The following SMG6 variants were observed in gnomAD, a reference collection of about 807,000 sequenced individuals.
The protein encoded by SMG6 is telomerase-binding protein EST1A.
SMG6 carries 66 observed loss-of-function variants against 142.2 expected under a neutral mutation model. The ratio of observed to expected loss-of-function variants is 0.46; its 90% CI spans 0.38 to 0.57. SMG6 has a LOEUF of 0.57. Ranked by LOEUF, SMG6 falls within the 20% of genes least tolerant of loss-of-function variation. SMG6 has a pLI of 0.00. For synonymous variants in SMG6, 779 were observed against 702.4 expected, an observed-to-expected ratio of 1.11 and a Z score of -1.72; for missense variants, 1,793 against 1,832.0, an observed-to-expected ratio of 0.98 and a Z score of 0.39.
At chr17:2,087,777 C>G (rs897450171) in intron 13 of SMG6, 14 of 985,776 alleles carry the variant, frequency 1.4e-5, no homozygotes, top group Admixed American at 1.2e-4. Flanking sequence ...TGGCAGGCAG[C>G]ACGCACAGTG....
In SMG6 at chr17:2,136,354, G is replaced by A. The variant is rs117026038; in HGVS notation, c.3357+36304C>T. 7.9e-3 allele frequency among the ~76,000 whole-genome samples: 1,197 copies of A among 152,260 alleles called. 10 individuals carry two copies. Among genetic ancestry groups the A allele is most frequent in the Non-Finnish European group, 0.012 (820 of 68,024 alleles). On this transcript the variant is annotated intron_variant, in intron 13 of 18. Transcript: ENST00000263073. ...CACTGCGCCTGGCCAATTAATTTAAGTAGACAAATGTGGCTAGTGACTGTT... is the reference window on the plus strand; with the variant it reads ...CACTGCGCCTGGCCAATTAATTTAAATAGACAAATGTGGCTAGTGACTGTT...
At chr17:2,066,272 C>CTGTGTGCGTGTATGTGTCTGTGTGCG (rs1567567754) in intron 16 of SMG6, among the ~76,000 whole-genome samples, 5 of 151,248 alleles carry the variant, frequency 3.3e-5, no homozygotes, top group South Asian at 2.1e-4. Context: ...ACGTGTATGT[C>CTGTGTGCGTGTATGTGTCTGTGTGCG]TGTGTGCGTG....
intron 10 of SMG6, among the ~76,000 whole-genome samples, chr17:2,221,946 G>A (rs182353092): frequency 4.2e-4 from 64 of 152,176 alleles, no homozygotes; most frequent in African/African-American, 1.3e-3. Context: ...TGTTGGCCAG[G>A]CTGGTCTTGA....
intron 13 of SMG6, among the ~76,000 whole-genome samples, chr17:2,124,857 A>G (rs930586375): frequency 6.6e-6 from 1 of 152,204 alleles, no homozygotes; most frequent in African/African-American, 2.4e-5. Context: ...GGCATCTCTT[A>G]GACTGCTGAC....
Position 2,236,848 on chromosome 17 carries a change from G to A in SMG6, c.2724-211C>T, listed in dbSNP as rs1376543757. The A allele has an allele frequency of 2.4e-6, 3 of 1,257,804 alleles. No homozygotes were observed. In the African/African-American group the frequency reaches 4.6e-5, roughly 19 times the overall value. 77.9% of individuals were successfully genotyped at this position (1,257,804 alleles called of 1,614,324 possible). A position where few individuals can be genotyped will look rare whatever the true frequency, so the allele number is the denominator to read the frequency against. On this transcript the variant is annotated intron_variant, in intron 9 of 18. Transcript: ENST00000263073. ...AAATTCAAGATAAAGGAGTTTTCAG[G>A]GTCCAGAGATGCAAACAACTCAAGT...
At chr17:2,126,912 A>ACACG (rs1361579136) in intron 13 of SMG6, among the ~76,000 whole-genome samples, 2 of 151,834 alleles carry the variant, frequency 1.3e-5, no homozygotes, top group African/African-American at 2.4e-5. Flanking sequence ...ACACATGCAC[A>ACACG]CAGACACAAA....
intron 11 of SMG6, 70 bp from the exon 12 acceptor site, chr17:2,186,901 G>A: frequency 6.5e-7 from 1 of 1,538,748 alleles, no homozygotes. Flanking sequence ...GGGGCGCTGG[G>A]ACGGCAGCAA....
intron 8 of SMG6, among the ~76,000 whole-genome samples, chr17:2,281,485 T>C (rs965721994): frequency 6.6e-6 from 1 of 152,156 alleles, no homozygotes; most frequent in African/African-American, 2.4e-5. Context: ...TGGATTCTAC[T>C]GTAATAATAT....
intron 13 of SMG6, among the ~76,000 whole-genome samples, chr17:2,117,142 T>A (rs2069532725): frequency 6.6e-6 from 1 of 151,414 alleles, no homozygotes; most frequent in African/African-American, 2.4e-5. Context: ...TCGCCCAGTG[T>A]GTAGTGCAGT....
At chr17:2,183,475 A>AC (rs1273804041) in intron 12 of SMG6, among the ~76,000 whole-genome samples, 2 of 152,130 alleles carry the variant, frequency 1.3e-5, no homozygotes, top group Admixed American at 6.5e-5. Context: ...GTAATGAGCT[A>AC]AACTGCAAAT....
chr17:2,065,081 G>C lies in SMG6; in HGVS notation c.4121C>G (p.Ala1374Gly). 6.2e-7 allele frequency: 1 copy of C among 1,613,586 alleles called. No individual in the cohort carries two copies. Among genetic ancestry groups the C allele is most frequent in the Non-Finnish European group, 8.5e-7 (1 of 1,179,584 alleles). ...CGGAGGCAAAGCTGTACCTTTGCTGGCGGGCATGAAGTCCTTAGCCTTGTC... is the reference window on the plus strand; with the variant it reads ...CGGAGGCAAAGCTGTACCTTTGCTGCCGGGCATGAAGTCCTTAGCCTTGTC... ...CKDKAKDFMP[A>G]SKEEPIRLLR... Residue 1374 changes from alanine to glycine, a missense_variant, in exon 18 of 19, where the codon GCC becomes GGC. Around this residue, in one of 3 missense-constraint regions of SMG6, gnomAD observed 179 missense variants for 212.6 expected, o/e 0.84. Coordinates refer to ENST00000263073, the MANE Select transcript of SMG6 (RefSeq NM_017575.5).
chr17:2,283,602 G>T (rs754267211), intron 7 of SMG6, 23 bp downstream of exon 7: 9 of 1,569,998 alleles, frequency 5.7e-6, no homozygotes, highest in Non-Finnish European at 7.9e-6. Flanking sequence ...AGGAAGGAAG[G>T]GTTCTGCCAC....
At chr17:2,244,764 A>C (rs1371556980) in intron 8 of SMG6, 45 bp from the exon 9 acceptor site, 1 of 1,534,286 alleles carries the variant, frequency 6.5e-7, no homozygotes, top group Non-Finnish European at 9.0e-7. Context: ...AACTTTCCCC[A>C]GTTTCCTGTT....
intron 13 of SMG6, among the ~76,000 whole-genome samples, chr17:2,094,079 C>A (rs2068794551): frequency 6.6e-6 from 1 of 152,182 alleles, no homozygotes; most frequent in Non-Finnish European, 1.5e-5. Context: ...TCTAGAGAGG[C>A]TCCAAGGTCC....
At chr17:2,147,056 G>A (rs766174452) in intron 13 of SMG6, among the ~76,000 whole-genome samples, 1 of 152,060 alleles carries the variant, frequency 6.6e-6, no homozygotes, top group Non-Finnish European at 1.5e-5. Flanking sequence ...TCCAAAAGAA[G>A]GTATATATGA....
chr17:2,212,827 C>T (rs912746903), intron 10 of SMG6: 3 of 152,288 alleles, frequency 2.0e-5, no homozygotes, highest in Non-Finnish European at 4.4e-5. Context: ...AGTCCACACT[C>T]ACAGAGCCAG....
At chr17:2,100,284 C>T (rs1051498946) in intron 13 of SMG6, among the ~76,000 whole-genome samples, 1 of 152,138 alleles carries the variant, frequency 6.6e-6, no homozygotes, top group African/African-American at 2.4e-5. Flanking sequence ...ATGACTCGCC[C>T]GCCTCGGCCT....
chr17:2,303,520 G>A (rs1004760403), intron 1 of SMG6, 113 bp downstream of exon 1: 30 of 1,334,684 alleles, frequency 2.2e-5, no homozygotes, highest in Non-Finnish European at 2.5e-5. Flanking sequence ...GCCTACTGCT[G>A]GGGGAAGGGG....
chr17:2,258,857 G>A (rs2074252069), intron 8 of SMG6, among the ~76,000 whole-genome samples: 1 of 150,368 alleles, frequency 6.7e-6, no homozygotes, highest in Non-Finnish European at 1.5e-5. Context: ...GCATGTTGGG[G>A]GGCCGAGGTC....
Sources: gnomAD v4.1 joint callset for allele counts (sites outside exome capture counted in the v4.1 genomes callset) on GRCh38, gnomAD v4.1.1 for gene constraint, gnomAD v4.1.1 regional missense constraint, MANE v1.5 for transcripts, NCBI Gene and HGNC (gene_info 2026-07-23, HGNC 2026-07-21) for gene names.